The following NEK11 variants were observed in gnomAD, a reference collection of about 807,000 sequenced individuals.
The protein encoded by NEK11 is serine/threonine-protein kinase Nek11.
In NEK11, 72 loss-of-function variants were observed where a neutral mutation model predicts 80.7. The observed-to-expected ratio is 0.89, with a 90% confidence interval of 0.74 to 1.08. NEK11 has a LOEUF of 1.08. NEK11 is among the 50% of genes least tolerant of loss of function. The pLI is 0.00. For synonymous variants in NEK11, 251 were observed against 260.7 expected (o/e 0.96, Z 0.36); for missense variants, 764 against 763.6 (o/e 1.00, Z -0.01).
At chr3:131,187,040 A>T (rs750895722) in intron 14 of NEK11, among the ~76,000 whole-genome samples, 41 of 152,226 alleles carry the variant, frequency 2.7e-4, no homozygotes, top group Non-Finnish European at 5.1e-4. Flanking sequence ...CATAGCATAG[A>T]TTTTGAAGAC....
intron 3 of NEK11, among the ~76,000 whole-genome samples, chr3:131,063,833 C>G (rs1009274400): frequency 2.0e-5 from 3 of 152,056 alleles, no homozygotes; most frequent in African/African-American, 7.2e-5. Context: ...TAGGTACATA[C>G]CCAAAAGACA....
chr3:131,202,367 T>G (rs1296649048), intron 14 of NEK11, among the ~76,000 whole-genome samples: 1 of 152,108 alleles, frequency 6.6e-6, no homozygotes, highest in African/African-American at 2.4e-5. Flanking sequence ...CAGACTGTAC[T>G]GGGAAAATCG....
At chr3:131,164,384 C>T (rs529600766) in intron 11 of NEK11, among the ~76,000 whole-genome samples, 112 of 152,304 alleles carry the variant, frequency 7.4e-4, no homozygotes, top group African/African-American at 2.4e-3. Flanking sequence ...ACCACTATGA[C>T]ATTGAGTGTG....
At chr3:131,168,178 T>G (rs2092396160) in intron 12 of NEK11, among the ~76,000 whole-genome samples, 1 of 152,164 alleles carries the variant, frequency 6.6e-6, no homozygotes, top group South Asian at 2.1e-4. Context: ...CAGGAAAACC[T>G]TGTCAGCCCA....
intron 14 of NEK11, among the ~76,000 whole-genome samples, chr3:131,185,320 G>T (rs1416373483): frequency 6.6e-6 from 1 of 152,086 alleles, no homozygotes; most frequent in Non-Finnish European, 1.5e-5. Context: ...ATTGGGAGTA[G>T]GCAGAGAACC....
intron 14 of NEK11, among the ~76,000 whole-genome samples, chr3:131,224,742 C>T (rs772026645): frequency 5.3e-5 from 8 of 151,958 alleles, no homozygotes; most frequent in Non-Finnish European, 1.2e-4. Flanking sequence ...GTGATCCTGA[C>T]GCTGTGTAGC....
intron 14 of NEK11, 179 bp downstream of exon 14, chr3:131,171,066 T>C (rs2092659544): frequency 3.2e-6 from 2 of 622,202 alleles, no homozygotes; most frequent in Non-Finnish European, 5.8e-6. Flanking sequence ...AGGATTTTTC[T>C]GTCCTCTCTA....
intron 17 of NEK11, among the ~76,000 whole-genome samples, chr3:131,309,187 CTGTT>C (rs756258934): frequency 1.4e-4 from 22 of 152,186 alleles, no homozygotes; most frequent in Non-Finnish European, 2.6e-4. Flanking sequence ...ATGCTTTCTG[CTGTT>C]TGTTTGGCCT....
chr3:131,097,633 A>G (rs140678732), intron 4 of NEK11, among the ~76,000 whole-genome samples: 1,748 of 152,180 alleles, frequency 0.011, 40 homozygotes, highest in African/African-American at 0.039. Context: ...AGAACTGCAA[A>G]CCACTGCTCA....
chr3:131,243,425 T>C lies in NEK11; in HGVS notation c.1561-11T>C, dbSNP rs1355169041. 1.2e-6 allele frequency: 2 copies of C among 1,611,760 alleles called. No individual in the cohort carries two copies. Among genetic ancestry groups the C allele is most frequent in the Non-Finnish European group, 8.5e-7 (1 of 1,178,488 alleles). ...ACAGGGAAAATAAACATTTCTCCCT[T>C]ATTTTGACAGGACAGTGATATCGAA... On this transcript the variant is annotated splice_polypyrimidine_tract_variant and intron_variant, in intron 15 of 17. Coordinates refer to ENST00000383366, the MANE Select transcript of NEK11 (RefSeq NM_024800.5).
intron 14 of NEK11, among the ~76,000 whole-genome samples, chr3:131,225,046 A>G (rs1360876371): frequency 2.0e-5 from 3 of 152,190 alleles, no homozygotes; most frequent in African/African-American, 7.2e-5. Context: ...GTAGTAGCGT[A>G]CAGTAATGTT....
At chr3:131,177,527 G>A (rs762400506) in intron 14 of NEK11, among the ~76,000 whole-genome samples, 169 of 152,192 alleles carry the variant, frequency 1.1e-3, no homozygotes, top group Non-Finnish European at 2.0e-3. Flanking sequence ...TGTTAGAATC[G>A]GACTTATCTT....
At chr3:131,098,750 A>AT (rs2077886569) in intron 4 of NEK11, among the ~76,000 whole-genome samples, 1 of 149,112 alleles carries the variant, frequency 6.7e-6, no homozygotes, top group African/African-American at 2.5e-5. Context: ...TAATTTTTGT[A>AT]TTTTTCATAG....
At chr3:131,196,618 C>T (rs2094020853) in intron 14 of NEK11, among the ~76,000 whole-genome samples, 1 of 151,984 alleles carries the variant, frequency 6.6e-6, no homozygotes, top group African/African-American at 2.4e-5. Context: ...ACTACAACCT[C>T]CACTTCCCTG....
At chr3:131,340,196 G>A (rs1379030409) in intron 17 of NEK11, among the ~76,000 whole-genome samples, 1 of 152,118 alleles carries the variant, frequency 6.6e-6, no homozygotes, top group Non-Finnish European at 1.5e-5. Flanking sequence ...GTTTTTATTC[G>A]TACAAAATAC....
chr3:131,208,576 T>C lies in NEK11; in HGVS notation c.1400-19952T>C, dbSNP rs188483604. On this transcript the variant is annotated intron_variant, in intron 14 of 17. Coordinates refer to ENST00000383366, the MANE Select transcript of NEK11 (RefSeq NM_024800.5). Reference sequence around the variant, plus strand: ...GGGCAGTATGGACATTTTCACGATATTGATTCTTCCTATCCATGAGCATGG... The same window carrying C: ...GGGCAGTATGGACATTTTCACGATACTGATTCTTCCTATCCATGAGCATGG... Among the ~76,000 whole-genome samples, 327 of 152,338 alleles carry C rather than the reference T, an allele frequency of 2.1e-3. 3 individuals carry two copies. The highest frequency in any genetic ancestry group is 7.6e-3 in the African/African-American group (317 of 41,572).
chr3:131,221,342 G>A (rs532361001), intron 14 of NEK11, among the ~76,000 whole-genome samples: 1 of 152,286 alleles, frequency 6.6e-6, no homozygotes, highest in Non-Finnish European at 1.5e-5. Context: ...GGATCACCTG[G>A]AGAGCTTGTC....
intron 14 of NEK11, among the ~76,000 whole-genome samples, chr3:131,223,453 C>A (rs1408514020): frequency 6.6e-6 from 1 of 152,118 alleles, no homozygotes; most frequent in Admixed American, 6.6e-5. Context: ...CTAAGGCTGT[C>A]TGTACACAAT....
Position 131,273,587 on chromosome 3 carries a change from TTGCC to T in NEK11, c.1718+18_1718+21del. 1.3e-6 allele frequency: 2 copies of T among 1,596,984 alleles called. No homozygotes were observed. The highest frequency in any genetic ancestry group is 1.7e-6 in the Non-Finnish European group (2 of 1,164,798). ...AACGCATGAGGGAGTAAGTAGCATG[TTGCC>T]TGCCCCCTAGGAAGGTGCAGTGTTA... is the stretch of plus-strand genomic sequence containing the variant. On this transcript the variant is annotated intron_variant, in intron 17 of 17. Transcript: ENST00000383366.
Sources: allele counts gnomAD v4.1 joint callset (sites outside exome capture counted in the v4.1 genomes callset), GRCh38; gene constraint gnomAD v4.1.1; transcripts MANE v1.5; gene names NCBI Gene and HGNC (gene_info 2026-07-23, HGNC 2026-07-21).